The following HSPA13 variants were observed in gnomAD, a reference collection of about 807,000 sequenced individuals.
The protein encoded by HSPA13 is heat shock protein family A (Hsp70) member 13.
HSPA13 carries 29 observed loss-of-function variants against 38.8 expected under a neutral mutation model. The ratio of observed to expected loss-of-function variants is 0.75; its 90% CI spans 0.56 to 1.02. The LOEUF (loss-of-function observed/expected upper bound fraction) is 1.02. HSPA13 is among the 50% of genes least tolerant of loss of function. The pLI is 0.00. For synonymous variants in HSPA13, 192 were observed against 205.3 expected (o/e 0.94, Z 0.56); for missense variants, 451 against 560.9 (o/e 0.80, Z 1.98).
chr21:14,383,139 C>T lies in HSPA13; in HGVS notation c.-20G>A, dbSNP rs368919603. ...GGCCATCACAGTCCCGCCGAACAGG[C>T]TTGTGATGACTGTACCAGACGTGAG... is the stretch of plus-strand genomic sequence containing the variant. On this transcript the variant is annotated 5_prime_UTR_variant, in exon 1 of 5. Coordinates refer to ENST00000285667, the MANE Select transcript of HSPA13 (RefSeq NM_006948.5). 3 of 1,614,066 alleles carry T rather than the reference C, an allele frequency of 1.9e-6. No homozygotes were observed. Among genetic ancestry groups the T allele is most frequent in the Non-Finnish European group, 2.5e-6 (3 of 1,179,962 alleles).
intron 1 of HSPA13, among the ~76,000 whole-genome samples, chr21:14,382,251 G>C (rs147422531): frequency 6.6e-6 from 1 of 152,260 alleles, no homozygotes; most frequent in Admixed American, 6.5e-5. Flanking sequence ...AAAGCTTCTT[G>C]AAGACAAGTT....
At chr21:14,380,651 G>C (rs886805893) in intron 2 of HSPA13, among the ~76,000 whole-genome samples, 6 of 152,092 alleles carry the variant, frequency 3.9e-5, no homozygotes, top group African/African-American at 1.4e-4. Flanking sequence ...TAGCATTCAA[G>C]TTAGGAAACT....
In HSPA13 at chr21:14,379,649, G is replaced by A. The variant is rs150203654; in HGVS notation, c.367-1237C>T. Reference sequence around the variant, plus strand: ...TTAGATGATTTTTTCATTAAAGATTGTAAGTCAGTAAAGAATCCCAAAAAA... The same window carrying A: ...TTAGATGATTTTTTCATTAAAGATTATAAGTCAGTAAAGAATCCCAAAAAA... On this transcript the variant is annotated intron_variant, in intron 2 of 4. Transcript: ENST00000285667. Among the ~76,000 whole-genome samples, 204 of 152,176 alleles carry A rather than the reference G, an allele frequency of 1.3e-3. 5 individuals are homozygous for A. The East Asian group carries it at 0.029, about 21-fold the overall frequency.
intron 2 of HSPA13, among the ~76,000 whole-genome samples, chr21:14,379,773 G>T (rs1424375200): frequency 2.0e-5 from 3 of 152,030 alleles, no homozygotes; most frequent in Middle Eastern, 3.2e-3. Context: ...TTATGGCTAG[G>T]TTTATTCAAT....
At chr21:14,376,316 G>A (rs931522113) in intron 3 of HSPA13, among the ~76,000 whole-genome samples, 1 of 152,200 alleles carries the variant, frequency 6.6e-6, no homozygotes, top group Non-Finnish European at 1.5e-5. Flanking sequence ...GGGAGGCTGA[G>A]GCGGGAGAAT....
In HSPA13 at chr21:14,380,739, T is replaced by C. The variant is rs574457961; in HGVS notation, c.366+464A>G. Among the ~76,000 whole-genome samples the C allele has an allele frequency of 9.8e-5, 15 of 152,292 alleles. No homozygotes were observed. The South Asian group carries it at 3.1e-3, about 32-fold the overall frequency. On this transcript the variant is annotated intron_variant, in intron 2 of 4. Transcript: ENST00000285667. ...AGTGAAAAACCACAAAAAAGTACAC[T>C]GATAGAGACTAGTCTAATTAATAAT...
Position 14,371,957 on chromosome 21 carries a change from T to C in HSPA13, c.*1660A>G, listed in dbSNP as rs780468829. On this transcript the variant is annotated 3_prime_UTR_variant, in exon 5 of 5. Coordinates refer to ENST00000285667, the MANE Select transcript of HSPA13 (RefSeq NM_006948.5). ...TTTCTCCATTCATTCTAAAATAAGA[T>C]ACTTCAACAAACATTTTATACTTTT... 17 of 152,572 alleles carry C rather than the reference T, an allele frequency of 1.1e-4. No homozygotes were observed. Among genetic ancestry groups the C allele is most frequent in the Non-Finnish European group, 2.4e-4 (16 of 67,958 alleles). The allele number at this position is 152,572 out of a possible 1,614,324, so 9.5% of individuals were successfully genotyped here.
rs753111246 is a variant in HSPA13, at chr21:14,373,944, T to C, written c.1089A>G (p.Thr363=). Reference sequence around the variant, plus strand: ...TATCAAAGAGTTTCCGTGATATTTCTGTTTCAAATAAAACCTGACTTTCTC... The same window carrying C: ...TATCAAAGAGTTTCCGTGATATTTCCGTTTCAAATAAAACCTGACTTTCTC... ...KSGESQVLFE[T]EISRKLFDTL... Residue 363 remains threonine (T), a synonymous_variant, in exon 5 of 5, where the codon ACA becomes ACG. Transcript: ENST00000285667. 2.5e-6 allele frequency: 4 copies of C among 1,614,228 alleles called. No homozygotes were observed. Among genetic ancestry groups the C allele is most frequent in the Non-Finnish European group, 3.4e-6 (4 of 1,180,040 alleles).
rs1982867026 is a variant in HSPA13, at chr21:14,373,116, TG to T, written c.*500del. On this transcript the variant is annotated 3_prime_UTR_variant, in exon 5 of 5. Transcript: ENST00000285667. Reference sequence around the variant, plus strand: ...TATGGCAGTTACTGAATATTACGTATGCAGCTTATGCTAATAATACTGCTAT... The same window carrying T: ...TATGGCAGTTACTGAATATTACGTATCAGCTTATGCTAATAATACTGCTAT... 6.5e-6 allele frequency: 1 copy of T among 153,576 alleles called. No individual in the cohort carries two copies. The highest frequency in any genetic ancestry group is 6.4e-5 in the Admixed American group (1 of 15,526). 9.5% of individuals were successfully genotyped at this position (153,576 alleles called of 1,614,324 possible). A position where few individuals can be genotyped will look rare whatever the true frequency, so the allele number is the denominator to read the frequency against.
rs757107301 is a variant in HSPA13, at chr21:14,380,134, G to A, written c.366+1069C>T. The stretch of plus-strand genomic sequence containing the variant: ...ATGTTTAAAAGAAAAAAAAAGCAGC[G>A]AAATCCAAACCAACAAATACATAAA... On this transcript the variant is annotated intron_variant, in intron 2 of 4. Coordinates refer to ENST00000285667, the MANE Select transcript of HSPA13 (RefSeq NM_006948.5). 4.7e-5 allele frequency among the ~76,000 whole-genome samples: 7 copies of A among 150,142 alleles called. No homozygotes were observed. The East Asian group carries it at 5.8e-4, about 12-fold the overall frequency.
intron 2 of HSPA13, among the ~76,000 whole-genome samples, chr21:14,380,358 A>G (rs1984137859): frequency 1.3e-5 from 2 of 151,730 alleles, no homozygotes; most frequent in Admixed American, 6.5e-5. Flanking sequence ...AAAACACACC[A>G]AAACAAAAAA....
rs1018223929 is a variant in HSPA13 at position 14,373,158 on chromosome 21, A to G, written c.*459T>C. The G allele has an allele frequency of 1.3e-5, 2 of 157,052 alleles. No individual in the cohort carries two copies. The highest frequency in any genetic ancestry group is 4.8e-5 in the African/African-American group (2 of 41,494). The allele number at this position is 157,052 out of a possible 1,614,324, so 9.7% of individuals were successfully genotyped here. A position where few individuals can be genotyped will look rare whatever the true frequency, so the allele number is the denominator to read the frequency against. ...ATACTGCTATCTTCCAACCACTGTAAATACCTGACATCAACACGGTCCTTC... is the reference window on the plus strand; with the variant it reads ...ATACTGCTATCTTCCAACCACTGTAGATACCTGACATCAACACGGTCCTTC... On this transcript the variant is annotated 3_prime_UTR_variant, in exon 5 of 5. Coordinates refer to ENST00000285667, the MANE Select transcript of HSPA13 (RefSeq NM_006948.5).
intron 2 of HSPA13, among the ~76,000 whole-genome samples, chr21:14,378,624 CT>C (rs11322033): frequency 0.11 from 16,373 of 145,238 alleles, 1,739 homozygotes; most frequent in African/African-American, 0.29. Context: ...ATTAGTTTTA[CT>C]TTTTTTTTTT....
At chr21:14,376,667 C>A (rs747954008) in intron 3 of HSPA13, among the ~76,000 whole-genome samples, 1 of 152,164 alleles carries the variant, frequency 6.6e-6, no homozygotes, top group Non-Finnish European at 1.5e-5. Context: ...CTGATTTTAC[C>A]ACTTATTCTA....
intron 1 of HSPA13, 83 bp downstream of exon 1, chr21:14,383,007 AGGAGG>A: frequency 7.0e-7 from 1 of 1,426,004 alleles, no homozygotes; most frequent in South Asian, 1.1e-5. Context: ...AGCTAGATCC[AGGAGG>A]TGAGTCAACC....
In HSPA13 at chr21:14,374,288, A is replaced by C; in HGVS notation, c.749-4T>G. On this transcript the variant is annotated splice_polypyrimidine_tract_variant and splice_region_variant and intron_variant, in intron 4 of 4. Transcript: ENST00000285667. ...TGTCCTCCAAGTTTATTGTTTCCTG[A>C]GTGAAAAATAAAAGTTTAATATAGT... 6.3e-7 allele frequency: 1 copy of C among 1,599,004 alleles called. No homozygotes were observed. The highest frequency in any genetic ancestry group is 8.5e-7 in the Non-Finnish European group (1 of 1,175,088).
intron 4 of HSPA13, among the ~76,000 whole-genome samples, chr21:14,375,159 T>C (rs935877633): frequency 6.6e-6 from 1 of 152,206 alleles, no homozygotes; most frequent in African/African-American, 2.4e-5. Context: ...TTATAAAACA[T>C]ATTAAATGAA....
At position 14,381,456 on chromosome 21, in the gene HSPA13, A is replaced by G. The variant is rs1321434697; in HGVS notation, c.113T>C (p.Leu38Pro). The part of the protein sequence containing the change: ...LPTPKVIGID[L>P]GTTYCSVGVF... The stretch of plus-strand genomic sequence containing the variant: ...CCCAACAGAACAATAGGTGGTGCCA[A>G]GATCAATACCAATCACTTTAGGAGT... Residue 38 changes from leucine to proline, a missense_variant, in exon 2 of 5, where the codon CTT (leucine) becomes CCT (proline). Transcript: ENST00000285667. The G allele has an allele frequency of 1.9e-6, 3 of 1,614,070 alleles. No homozygotes were observed. The highest frequency in any genetic ancestry group is 2.5e-6 in the Non-Finnish European group (3 of 1,180,022).
Position 14,375,547 on chromosome 21 carries a change from T to TGGTC in HSPA13, c.748+101_748+104dup, listed in dbSNP as rs1600804102. ...CAGGGTTTCACCGTGTTAGCCAGGA[T>TGGTC]GGTCTCGATCTCCCCATCTCGTGAT... On this transcript the variant is annotated intron_variant, in intron 4 of 4. Coordinates refer to ENST00000285667, the MANE Select transcript of HSPA13 (RefSeq NM_006948.5). 8 of 675,502 alleles carry TGGTC rather than the reference T, an allele frequency of 1.2e-5. No homozygotes were observed. The East Asian group carries it at 2.5e-4, about 21-fold the overall frequency. 41.8% of individuals were successfully genotyped at this position (675,502 alleles called of 1,614,324 possible).
Sources: gnomAD v4.1 joint callset for allele counts (sites outside exome capture counted in the v4.1 genomes callset) on GRCh38, gnomAD v4.1.1 for gene constraint, MANE v1.5 for transcripts, NCBI Gene and HGNC (gene_info 2026-07-23, HGNC 2026-07-21) for gene names.